NME5: variants seen among roughly 807,000 people sequenced by gnomAD.
NME5 encodes NME/NM23 family member 5, also known as nucleoside diphosphate kinase 5.
NME5 carries 18 observed loss-of-function variants against 21.6 expected under a neutral mutation model. That is an observed-to-expected ratio of 0.83 (90% CI 0.58 to 1.24). The LOEUF is 1.24. Ranked by LOEUF, NME5 falls within the 50% of genes most tolerant of loss-of-function variation. NME5 has a pLI of 0.00. For synonymous variants in NME5, 70 were observed against 80.6 expected, an observed-to-expected ratio of 0.87 and a Z score of 0.71; for missense variants, 223 against 255.4, an observed-to-expected ratio of 0.87 and a Z score of 0.86.
In NME5 at chr5:138,115,761, A is replaced by G. The variant is rs1581372980; in HGVS notation, c.559T>C (p.Trp187Arg). 1 of 1,575,352 alleles carries G rather than the reference A, an allele frequency of 6.3e-7. No homozygotes were observed. ...CKQKPADPLI[W>R]LADWLLKNNP... ...TTTTTCAGCAGCCAATCAGCTAGCCAAATCTATGGGAAAAAAAAAAACAAC... is the reference window on the plus strand; with the variant it reads ...TTTTTCAGCAGCCAATCAGCTAGCCGAATCTATGGGAAAAAAAAAAACAAC... The change falls in exon 6 of 6, where the codon TGG becomes CGG. Residue 187 changes from tryptophan to arginine, a missense_variant. Physicochemically the swap from Trp to Arg is moderately radical, Grantham distance 101. Transcript: ENST00000265191.
At chr5:138,125,762 G>A (rs936385819) in intron 4 of NME5, among the ~76,000 whole-genome samples, 6 of 152,116 alleles carry the variant, frequency 3.9e-5, no homozygotes, top group Non-Finnish European at 1.5e-5. Flanking sequence ...TTACAAGCGT[G>A]CGCCACCACG....
chr5:138,118,775 C>G (rs746270456), intron 5 of NME5, 43 bp downstream of exon 5: 1 of 1,353,702 alleles, frequency 7.4e-7, no homozygotes, highest in Non-Finnish European at 1.1e-6. Flanking sequence ...AGCCACCACG[C>G]CTGGTGACAA....
At chr5:138,128,858 A>T (rs1751493802) in intron 3 of NME5, among the ~76,000 whole-genome samples, 2 of 152,222 alleles carry the variant, frequency 1.3e-5, no homozygotes, top group African/African-American at 4.8e-5. Context: ...CACATTCAAA[A>T]GTGCAAGAAC....
At chr5:138,135,121 A>G (rs1314639156) in intron 2 of NME5, among the ~76,000 whole-genome samples, 3 of 148,892 alleles carry the variant, frequency 2.0e-5, no homozygotes, top group Non-Finnish European at 3.0e-5. Flanking sequence ...GATCGAGACC[A>G]TCCGGGCTAA....
intron 2 of NME5, 113 bp downstream of exon 2, chr5:138,138,539 C>A (rs1751771777): frequency 1.1e-6 from 1 of 873,754 alleles, no homozygotes; most frequent in Non-Finnish European, 1.7e-6. Flanking sequence ...GAAGAATAAA[C>A]TTAAATTTAA....
chr5:138,124,075 C>T (rs1050575162), intron 4 of NME5, among the ~76,000 whole-genome samples: 3 of 133,064 alleles, frequency 2.3e-5, no homozygotes, highest in Non-Finnish European at 3.1e-5. Flanking sequence ...TGGCTCACTG[C>T]AACCTCCACC....
intron 5 of NME5, chr5:138,116,299 T>C (rs980584128): frequency 2.6e-5 from 4 of 152,260 alleles, no homozygotes; most frequent in African/African-American, 9.6e-5. Context: ...ATTGTTAAGA[T>C]GTCAATACTT....
At position 138,118,927 on chromosome 5, in the gene NME5, T is replaced by C; in HGVS notation, c.446A>G (p.Glu149Gly). ...IRFMFPEVIV[E>G]PIPIGQAAKD... The stretch of plus-strand genomic sequence containing the variant: ...AGCAGCTTGTCCAATTGGAATGGGC[T>C]CAACAATCACTGCAAATACAAATGT... The change falls in exon 5 of 6, where the codon GAG becomes GGG. Residue 149 changes from glutamate (E) to glycine (G), a missense_variant. Transcript: ENST00000265191. 1.3e-6 allele frequency: 2 copies of C among 1,572,156 alleles called. No homozygotes were observed. The highest frequency in any genetic ancestry group is 1.8e-6 in the Non-Finnish European group (2 of 1,141,974).
Position 138,128,506 on chromosome 5 carries a change from T to G in NME5, c.409A>C (p.Arg137=). ...TCAGGAAACATAAAACGTATTTCTC[T>G]TTCCGCAGCAGCAAAGTCATTACTC... The part of the protein sequence containing the change: ...HGSNDFAAAE[R]EIRFMFPEVI... The change falls in exon 4 of 6, where the codon AGA becomes CGA. Residue 137 remains arginine (R), a synonymous_variant. Coordinates refer to ENST00000265191, the MANE Select transcript of NME5 (RefSeq NM_003551.3). 6.2e-7 allele frequency: 1 copy of G among 1,613,436 alleles called. No homozygotes were observed.
chr5:138,128,617 C>G (rs1239615059), intron 3 of NME5, 38 bp from the exon 4 acceptor site: 14 of 1,426,702 alleles, frequency 9.8e-6, no homozygotes, highest in Non-Finnish European at 1.4e-5. Context: ...TCCAATCTAA[C>G]GTCTATTCCT....
chr5:138,120,578 C>T (rs1332251669), intron 4 of NME5, among the ~76,000 whole-genome samples: 1 of 152,074 alleles, frequency 6.6e-6, no homozygotes, highest in Non-Finnish European at 1.5e-5. Flanking sequence ...AGCACAAAAG[C>T]TTTTAATTTG....
chr5:138,127,792 C>T (rs998042848), intron 4 of NME5: 14 of 548,158 alleles, frequency 2.6e-5, no homozygotes, highest in South Asian at 8.0e-5. Context: ...TTACAGAAGA[C>T]GGTAAATCAA....
chr5:138,121,889 C>T (rs892779536), intron 4 of NME5, among the ~76,000 whole-genome samples: 2 of 151,808 alleles, frequency 1.3e-5, no homozygotes, highest in Middle Eastern at 3.2e-3. Context: ...GATGAGGTCT[C>T]ACTTTGTTGC....
At position 138,125,029 on chromosome 5, in the gene NME5, C is replaced by T. The variant is rs747451596; in HGVS notation, c.436+3450G>A. On this transcript the variant is annotated intron_variant, in intron 4 of 5. Coordinates refer to ENST00000265191, the MANE Select transcript of NME5 (RefSeq NM_003551.3). ...CCTTAACCTCCTAGGCTCCAGTGAT[C>T]CTCCCACTTTAGCCTCCAGAGTAGC... 2.1e-4 allele frequency among the ~76,000 whole-genome samples: 32 copies of T among 152,196 alleles called. 1 individual carries two copies. The highest frequency in any genetic ancestry group is 3.3e-4 in the Admixed American group (5 of 15,280).
chr5:138,130,608 G>T (rs1472303263), intron 2 of NME5, among the ~76,000 whole-genome samples: 1 of 152,022 alleles, frequency 6.6e-6, no homozygotes, highest in Non-Finnish European at 1.5e-5. Context: ...GGCCAACATA[G>T]TGAAACCCCA....
At position 138,130,798 on chromosome 5, in the gene NME5, C is replaced by T. The variant is rs901104641; in HGVS notation, c.130-1330G>A. Reference sequence around the variant, plus strand: ...AAAATTAGCCAGGTGTGGTGGCACGCGCCTGTAGTCCCAGCTACTCGGAAG... The same window carrying T: ...AAAATTAGCCAGGTGTGGTGGCACGTGCCTGTAGTCCCAGCTACTCGGAAG... On this transcript the variant is annotated intron_variant, in intron 2 of 5. Coordinates refer to ENST00000265191, the MANE Select transcript of NME5 (RefSeq NM_003551.3). Among the ~76,000 whole-genome samples, 7 of 151,792 alleles carry T rather than the reference C, an allele frequency of 4.6e-5. No individual in the cohort carries two copies. In the East Asian group the frequency reaches 9.7e-4, roughly 21 times the overall value.
intron 3 of NME5, 111 bp downstream of exon 3, chr5:138,129,152 G>T: frequency 6.6e-6 from 6 of 915,134 alleles, no homozygotes; most frequent in Non-Finnish European, 9.9e-6. Flanking sequence ...AGTTGATTTT[G>T]GAAAACTTCC....
At chr5:138,137,354 A>G (rs183782808) in intron 2 of NME5, among the ~76,000 whole-genome samples, 2 of 151,472 alleles carry the variant, frequency 1.3e-5, no homozygotes, top group Admixed American at 1.3e-4. Flanking sequence ...ATCTCCCTCT[A>G]TTGCCCAGGC....
chr5:138,138,842 T>C, intron 1 of NME5, 57 bp from the exon 2 acceptor site: 1 of 1,509,804 alleles, frequency 6.6e-7, no homozygotes, highest in Non-Finnish European at 9.0e-7. Context: ...ATGACATGCA[T>C]TTCCCCCCAC....
Sources: allele counts gnomAD v4.1 joint callset (sites outside exome capture counted in the v4.1 genomes callset), GRCh38; gene constraint gnomAD v4.1.1; transcripts MANE v1.5; gene names NCBI Gene and HGNC (gene_info 2026-07-23, HGNC 2026-07-21).